The following FYN variants were observed in gnomAD, a reference collection of about 807,000 sequenced individuals.
The protein encoded by FYN is FYN proto-oncogene, Src family tyrosine kinase.
In FYN, 10 loss-of-function variants were observed where a neutral mutation model predicts 70.2. That is an observed-to-expected ratio of 0.14 (90% CI 0.09 to 0.24). FYN has a LOEUF of 0.24. FYN is among the 10% of genes least tolerant of loss of function. The pLI is 1.00. For synonymous variants in FYN, 236 were observed against 248.6 expected (o/e 0.95, Z 0.48); for missense variants, 319 against 673.1 (o/e 0.47, Z 5.82).
chr6:111,837,406 G>T (rs117508922), intron 2 of FYN, among the ~76,000 whole-genome samples: 1 of 151,504 alleles, frequency 6.6e-6, no homozygotes, highest in Non-Finnish European at 1.5e-5. Flanking sequence ...ATCCTCCCCC[G>T]ACACAAAGGT....
At chr6:111,851,497 T>C (rs1282956449) in intron 1 of FYN, among the ~76,000 whole-genome samples, 4 of 152,198 alleles carry the variant, frequency 2.6e-5, no homozygotes. Context: ...GAAGGGACCC[T>C]ATAAGAACAG....
intron 4 of FYN, chr6:111,719,525 T>C (rs1800833796): frequency 6.8e-6 from 2 of 294,064 alleles, no homozygotes; most frequent in South Asian, 6.8e-5. Flanking sequence ...TGAGAGTCAT[T>C]GACCTACAGT....
chr6:111,696,808 C>T (rs1185139925), intron 9 of FYN: 1 of 168,020 alleles, frequency 6.0e-6, no homozygotes, highest in Non-Finnish European at 1.3e-5. Flanking sequence ...TGGAACAGGC[C>T]TGGCCATCTA....
intron 2 of FYN, among the ~76,000 whole-genome samples, chr6:111,822,794 G>A (rs954192439): frequency 6.6e-6 from 1 of 152,152 alleles, no homozygotes; most frequent in African/African-American, 2.4e-5. Context: ...AGAGAGTAGA[G>A]TCAGAGAGGC....
chr6:111,858,111 CG>C (rs1773870883), intron 1 of FYN, among the ~76,000 whole-genome samples: 1 of 152,112 alleles, frequency 6.6e-6, no homozygotes, highest in Non-Finnish European at 1.5e-5. Context: ...GCAGGACTGT[CG>C]GGATTTCCCC....
At chr6:111,872,567 G>A (rs988758249) in intron 1 of FYN, among the ~76,000 whole-genome samples, 7 of 151,912 alleles carry the variant, frequency 4.6e-5, no homozygotes, top group African/African-American at 1.7e-4. Context: ...GAAGCAGCAC[G>A]GGGCATCAAT....
In FYN at chr6:111,726,112, C is replaced by A. The variant is rs1006117449; in HGVS notation, c.-11-6050G>T. Among the ~76,000 whole-genome samples the A allele has an allele frequency of 2.6e-5, 4 of 152,306 alleles. No homozygotes were observed. The East Asian group carries it at 7.7e-4, about 29-fold the overall frequency. On this transcript the variant is annotated intron_variant, in intron 3 of 13. Transcript: ENST00000354650. ...ACCTGAATGAACCTGGAAATGGATT[C>A]CTCCCTAGTCAAGCCTTCAAACAAC... is the stretch of plus-strand genomic sequence containing the variant.
chr6:111,829,358 G>C (rs373660781), intron 2 of FYN, among the ~76,000 whole-genome samples: 2 of 152,072 alleles, frequency 1.3e-5, no homozygotes, highest in African/African-American at 2.4e-5. Context: ...CTATCTCACC[G>C]GTCTGTAGTA....
At chr6:111,721,194 C>T (rs1280844105) in intron 3 of FYN, among the ~76,000 whole-genome samples, 1 of 152,166 alleles carries the variant, frequency 6.6e-6, no homozygotes. Context: ...GTTGTGCTTT[C>T]TGAAGTGCTC....
intron 2 of FYN, among the ~76,000 whole-genome samples, chr6:111,804,971 C>T (rs1772102923): frequency 6.6e-6 from 1 of 152,034 alleles, no homozygotes; most frequent in Non-Finnish European, 1.5e-5. Flanking sequence ...TCTTCCAGGC[C>T]TCTCTGCCTT....
chr6:111,686,241 G>C (rs73538019), intron 12 of FYN, among the ~76,000 whole-genome samples: 6,315 of 152,170 alleles, frequency 0.041, 439 homozygotes, highest in African/African-American at 0.15. Context: ...CCAGAAACGA[G>C]GTGGAAGCTC....
intron 2 of FYN, among the ~76,000 whole-genome samples, chr6:111,801,587 C>G (rs141293483): frequency 6.6e-6 from 1 of 152,180 alleles, no homozygotes; most frequent in Admixed American, 6.5e-5. Flanking sequence ...TCAGTGAATA[C>G]GTCGTTCACT....
chr6:111,843,762 G>A (rs1039870883), intron 2 of FYN, among the ~76,000 whole-genome samples: 3 of 152,176 alleles, frequency 2.0e-5, no homozygotes, highest in African/African-American at 4.8e-5. Context: ...AGGATTCTGA[G>A]CTGATAAAGC....
intron 2 of FYN, among the ~76,000 whole-genome samples, chr6:111,828,600 C>A (rs967195990): frequency 1.3e-5 from 2 of 149,290 alleles, no homozygotes; most frequent in Admixed American, 1.3e-4. Flanking sequence ...TTTTGACACA[C>A]GCTACAACAT....
intron 2 of FYN, among the ~76,000 whole-genome samples, chr6:111,835,887 A>C (rs922729538): frequency 1.3e-5 from 2 of 152,186 alleles, no homozygotes; most frequent in Non-Finnish European, 2.9e-5. Flanking sequence ...TTGGAAGAGA[A>C]ACCTCATCAT....
Position 111,846,622 on chromosome 6 carries a change from C to CA in FYN, c.-116dup, listed in dbSNP as rs1217428931. 7.5e-6 allele frequency: 3 copies of CA among 398,294 alleles called. No homozygotes were observed. Among genetic ancestry groups the CA allele is most frequent in the East Asian group, 3.6e-5 (1 of 28,050 alleles). 24.7% of individuals were successfully genotyped at this position (398,294 alleles called of 1,614,324 possible). On this transcript the variant is annotated 5_prime_UTR_variant, in exon 2 of 14. Coordinates refer to ENST00000354650, the MANE Select transcript of FYN (RefSeq NM_002037.5). ...CGTTTAGATCAGCATCCTGCTTCTT[C>CA]AAAAAAACTGTAGAAGAAGAAAAAA...
Position 111,694,568 on chromosome 6 carries a change from C to G in FYN, c.1120-40G>C. The stretch of plus-strand genomic sequence containing the variant: ...GGAACAGGACATGTTACACCACGAC[C>G]CAATGTACTTAGACACGTCATTAAA... On this transcript the variant is annotated intron_variant, in intron 11 of 13. Coordinates refer to ENST00000354650, the MANE Select transcript of FYN (RefSeq NM_002037.5). This position sits in a 1 kb window ranked among gnomAD's most constrained non-coding sequence, Gnocchi z 5.0. The G allele has an allele frequency of 6.2e-7, 1 of 1,613,752 alleles. No homozygotes were observed. The highest frequency in any genetic ancestry group is 8.5e-7 in the Non-Finnish European group (1 of 1,179,740).
chr6:111,679,708 A>T (rs2128416335), intron 12 of FYN, among the ~76,000 whole-genome samples: 2 of 152,268 alleles, frequency 1.3e-5, no homozygotes, highest in Admixed American at 1.3e-4. Context: ...TTGCCAATTG[A>T]AATAGAAAAG....
At chr6:111,691,396 T>C (rs576151688) in intron 12 of FYN, among the ~76,000 whole-genome samples, 8 of 152,324 alleles carry the variant, frequency 5.3e-5, no homozygotes, top group Admixed American at 1.3e-4. Flanking sequence ...GTTTGGTGCA[T>C]GTTTCCGAAT....
Sources: allele counts gnomAD v4.1 joint callset (sites outside exome capture counted in the v4.1 genomes callset), GRCh38; gene constraint gnomAD v4.1.1; non-coding constraint Gnocchi (gnomAD v3.1); transcripts MANE v1.5; gene names NCBI Gene and HGNC (gene_info 2026-07-23, HGNC 2026-07-21).